ATXN8OS: variants seen among roughly 807,000 people sequenced by gnomAD.
The protein encoded by ATXN8OS is ATXN8 opposite strand lncRNA, also known as ATXN8 opposite strand (non-protein coding).
intron 4 of ATXN8OS, among the ~76,000 whole-genome samples, chr13:70,161,130 T>C (rs1356257291): frequency 6.6e-6 from 1 of 151,772 alleles, no homozygotes; most frequent in Non-Finnish European, 1.5e-5. Flanking sequence ...TACTGCAAGA[T>C]TTAAATTTTT....
At chr13:70,138,323 TAAAAAA>T in intron 3 of ATXN8OS, among the ~76,000 whole-genome samples, 1 of 151,008 alleles carries the variant, frequency 6.6e-6, no homozygotes, top group South Asian at 2.1e-4. Flanking sequence ...AGATTTAAAT[TAAAAAA>T]AAAAAAAGTT....
intron 4 of ATXN8OS, among the ~76,000 whole-genome samples, chr13:70,154,826 T>C (rs9542189): frequency 3.2e-3 from 485 of 152,336 alleles, no homozygotes; most frequent in Non-Finnish European, 5.0e-3. Context: ...ATGAGACACC[T>C]GAGTAGGCCT....
At chr13:70,157,014 C>T (rs147506900) in intron 4 of ATXN8OS, among the ~76,000 whole-genome samples, 309 of 151,930 alleles carry the variant, frequency 2.0e-3, no homozygotes, top group African/African-American at 6.8e-3. Flanking sequence ...AATAACATAC[C>T]GTAGATATAA....
At chr13:70,150,103 G>A (rs1475473) in intron 4 of ATXN8OS, among the ~76,000 whole-genome samples, 29,191 of 151,972 alleles carry the variant, frequency 0.19, 3,336 homozygotes, top group South Asian at 0.38. Flanking sequence ...ACTTTCTGCA[G>A]TAGCTAAGCT....
chr13:70,168,121 G>A (rs960781037), intron 4 of ATXN8OS, among the ~76,000 whole-genome samples: 1 of 151,982 alleles, frequency 6.6e-6, no homozygotes, highest in Non-Finnish European at 1.5e-5. Flanking sequence ...TTGCTGGGAG[G>A]CACTTCTTTG....
chr13:70,124,780 G>C (rs1275475832), intron 2 of ATXN8OS, among the ~76,000 whole-genome samples: 1 of 151,770 alleles, frequency 6.6e-6, no homozygotes, highest in African/African-American at 2.4e-5. Context: ...ATATATCGTT[G>C]TCATCTCCTT....
At chr13:70,144,254 C>T (rs1888752981) in intron 3 of ATXN8OS, among the ~76,000 whole-genome samples, 1 of 152,082 alleles carries the variant, frequency 6.6e-6, no homozygotes, top group African/African-American at 2.4e-5. Context: ...CATCCGTTTA[C>T]ATTTCGCATA....
At chr13:70,132,085 A>G (rs1328613) in intron 3 of ATXN8OS, among the ~76,000 whole-genome samples, 2 of 152,128 alleles carry the variant, frequency 1.3e-5, no homozygotes, top group African/African-American at 4.8e-5. Flanking sequence ...ATTCATGTTA[A>G]AATTTTTAGT....
chr13:70,108,807 A>C (rs1888149455), intron 1 of ATXN8OS, among the ~76,000 whole-genome samples: 2 of 152,200 alleles, frequency 1.3e-5, no homozygotes, highest in African/African-American at 4.8e-5. Context: ...TTTAACCTTT[A>C]GCCTTAGTTT....
chr13:70,119,267 C>T (rs1888325496), intron 2 of ATXN8OS, among the ~76,000 whole-genome samples: 1 of 152,114 alleles, frequency 6.6e-6, no homozygotes, highest in Non-Finnish European at 1.5e-5. Flanking sequence ...TTAGCAATCA[C>T]ACAGTTCTCT....
chr13:70,139,508 C>A, intron 3 of ATXN8OS: 1 of 539,208 alleles, frequency 1.9e-6, no homozygotes, highest in Non-Finnish European at 3.3e-6. Context: ...CCTCATACTG[C>A]TTATCTCTTA....
At chr13:70,132,889 T>C (rs1297285198) in intron 3 of ATXN8OS, among the ~76,000 whole-genome samples, 1 of 152,130 alleles carries the variant, frequency 6.6e-6, no homozygotes, top group Non-Finnish European at 1.5e-5. Context: ...AAGTCCAATG[T>C]AGAGGTGTCT....
chr13:70,136,260 G>T (rs1250944889), intron 3 of ATXN8OS, among the ~76,000 whole-genome samples: 1 of 152,094 alleles, frequency 6.6e-6, no homozygotes, highest in African/African-American at 2.4e-5. Flanking sequence ...AATTTAGGTT[G>T]CAGTTCGTTA....
intron 2 of ATXN8OS, among the ~76,000 whole-genome samples, chr13:70,128,279 C>T (rs1461141040): frequency 6.6e-6 from 1 of 152,112 alleles, no homozygotes; most frequent in Non-Finnish European, 1.5e-5. Flanking sequence ...AATAACACAG[C>T]TGGGGTCCAC....
At chr13:70,136,838 G>A (rs75851852) in intron 3 of ATXN8OS, among the ~76,000 whole-genome samples, 9,827 of 152,166 alleles carry the variant, frequency 0.065, 450 homozygotes, top group Non-Finnish European at 0.094. Context: ...TAAACGTTTC[G>A]TAGGGAAATG....
chr13:70,166,028 G>C (rs930355660), intron 4 of ATXN8OS, among the ~76,000 whole-genome samples: 1 of 151,904 alleles, frequency 6.6e-6, no homozygotes, highest in East Asian at 1.9e-4. Flanking sequence ...TCAACTTTAT[G>C]TCTTTGCATA....
chr13:70,120,338 T>C (rs1784945916), intron 2 of ATXN8OS, among the ~76,000 whole-genome samples: 1 of 152,142 alleles, frequency 6.6e-6, no homozygotes, highest in Non-Finnish European at 1.5e-5. Context: ...TAAGGAGAAA[T>C]CTGCTGATGG....
chr13:70,121,348 T>G (rs569506714), intron 2 of ATXN8OS, among the ~76,000 whole-genome samples: 2 of 151,924 alleles, frequency 1.3e-5, no homozygotes, highest in South Asian at 4.2e-4. Flanking sequence ...GAAGAGATAG[T>G]GTTAGAGAGT....
chr13:70,123,140 A>G (rs975878152), intron 2 of ATXN8OS, among the ~76,000 whole-genome samples: 10 of 152,128 alleles, frequency 6.6e-5, no homozygotes, highest in African/African-American at 1.4e-4. Flanking sequence ...TTAAGTAATA[A>G]GTAAATTGCA....
Sources: allele counts gnomAD v4.1 joint callset (sites outside exome capture counted in the v4.1 genomes callset), GRCh38; gene constraint gnomAD v4.1.1; transcripts MANE v1.5; gene names NCBI Gene and HGNC (gene_info 2026-07-23, HGNC 2026-07-21).